HEMK2: variants seen among roughly 807,000 people sequenced by gnomAD.
HEMK2 encodes the protein methyltransferase HEMK2.
At chr21:28,804,344 G>C in the HEMK2 span, among the ~76,000 whole-genome samples, 1 of 152,106 alleles carries the variant, frequency 6.6e-6, no homozygotes, top group Non-Finnish European at 1.5e-5. Flanking sequence ...AACAAGACTT[G>C]AACATTTTGT....
the HEMK2 span, chr21:28,882,106 A>C: frequency 7.1e-7 from 1 of 1,398,632 alleles, no homozygotes. Context: ...TTTGACCTAA[A>C]GCATCTTAAC....
At chr21:28,725,450 C>T in the HEMK2 span, among the ~76,000 whole-genome samples, 1 of 152,158 alleles carries the variant, frequency 6.6e-6, no homozygotes, top group Non-Finnish European at 1.5e-5. Flanking sequence ...CTGCAGACAA[C>T]TGAGCTGCAA....
chr21:28,665,388 T>A, the HEMK2 span, among the ~76,000 whole-genome samples: 121 of 22,874 alleles, frequency 5.3e-3, no homozygotes, highest in African/African-American at 0.069. Context: ...TTTTTTTTAA[T>A]TTTTTTTTTT....
the HEMK2 span, among the ~76,000 whole-genome samples, chr21:28,685,650 A>G: frequency 6.6e-6 from 1 of 152,180 alleles, no homozygotes; most frequent in Non-Finnish European, 1.5e-5. Context: ...GCCGGATGCT[A>G]AAGAGGTAAG....
the HEMK2 span, among the ~76,000 whole-genome samples, chr21:28,577,969 C>G: frequency 9.9e-5 from 15 of 152,194 alleles, no homozygotes; most frequent in Admixed American, 8.5e-4. Context: ...AACCTTTACT[C>G]TCTGTTAAAG....
At chr21:28,831,730 G>A in the HEMK2 span, among the ~76,000 whole-genome samples, 2,938 of 29,846 alleles carry the variant, frequency 0.098, 227 homozygotes, top group African/African-American at 0.15. Flanking sequence ...AAGGAAGGAA[G>A]GAAGGAAAGA....
chr21:28,577,155 T>C, the HEMK2 span: 1 of 152,318 alleles, frequency 6.6e-6, no homozygotes, highest in East Asian at 1.9e-4. Context: ...CCACTTACCT[T>C]AATAGAAAAT....
the HEMK2 span, among the ~76,000 whole-genome samples, chr21:28,791,098 A>G: frequency 6.6e-6 from 1 of 152,192 alleles, no homozygotes. Context: ...CAGCAGGTAG[A>G]CCAAGAGTTC....
At chr21:28,680,525 G>A in the HEMK2 span, among the ~76,000 whole-genome samples, 1 of 152,164 alleles carries the variant, frequency 6.6e-6, no homozygotes, top group African/African-American at 2.4e-5. Context: ...AATAGAAAAA[G>A]AGGGAATCCT....
At chr21:28,815,286 C>T in the HEMK2 span, among the ~76,000 whole-genome samples, 39 of 151,186 alleles carry the variant, frequency 2.6e-4, no homozygotes, top group South Asian at 4.4e-3. Flanking sequence ...TGCTAAATGA[C>T]GAGTTAATGG....
At chr21:28,789,006 A>T in the HEMK2 span, among the ~76,000 whole-genome samples, 2 of 152,118 alleles carry the variant, frequency 1.3e-5, no homozygotes, top group Non-Finnish European at 2.9e-5. Context: ...GAGAGGCGGG[A>T]AACAGATTCT....
the HEMK2 span, among the ~76,000 whole-genome samples, chr21:28,688,609 T>C: frequency 6.6e-6 from 1 of 151,958 alleles, no homozygotes. Context: ...GTTGAATGAA[T>C]AAATGAATGA....
At chr21:28,824,195 CATT>C in the HEMK2 span, among the ~76,000 whole-genome samples, 6 of 152,262 alleles carry the variant, frequency 3.9e-5, no homozygotes, top group South Asian at 2.1e-4. Context: ...GAGCATCAGT[CATT>C]GTTGTTGTTG....
At chr21:28,879,978 AATTTTACATT>A in the HEMK2 span, 1 of 1,461,338 alleles carries the variant, frequency 6.8e-7, no homozygotes, top group Admixed American at 2.2e-5. Flanking sequence ...CAACAGTAAG[AATTTTACATT>A]AAACTCTGAA....
chr21:28,639,449 A>T, the HEMK2 span, among the ~76,000 whole-genome samples: 2 of 152,224 alleles, frequency 1.3e-5, no homozygotes, highest in African/African-American at 4.8e-5. Flanking sequence ...TAATACTTCA[A>T]GAAACAAGGT....
the HEMK2 span, among the ~76,000 whole-genome samples, chr21:28,589,026 C>T: frequency 2.0e-5 from 3 of 149,766 alleles, no homozygotes; most frequent in East Asian, 5.9e-4. Flanking sequence ...AAAATCATCT[C>T]AAATTACTAT....
At chr21:28,627,927 T>C in the HEMK2 span, among the ~76,000 whole-genome samples, 4 of 152,168 alleles carry the variant, frequency 2.6e-5, no homozygotes, top group Admixed American at 6.5e-5. Flanking sequence ...GGCCACTACT[T>C]CATTTGCATG....
the HEMK2 span, among the ~76,000 whole-genome samples, chr21:28,735,330 TG>T: frequency 3.4e-4 from 51 of 152,230 alleles, no homozygotes; most frequent in African/African-American, 1.2e-3. Flanking sequence ...CTGGAGGCTC[TG>T]GGGGTGAAAA....
chr21:28,680,154 C>G, the HEMK2 span, among the ~76,000 whole-genome samples: 1 of 151,870 alleles, frequency 6.6e-6, no homozygotes, highest in Non-Finnish European at 1.5e-5. Flanking sequence ...AGACTGCTAG[C>G]AAGACTAATA....
Sources: allele counts gnomAD v4.1 joint callset (sites outside exome capture counted in the v4.1 genomes callset), GRCh38; gene constraint gnomAD v4.1.1; transcripts MANE v1.5; gene names NCBI Gene and HGNC (gene_info 2026-07-23, HGNC 2026-07-21).